FAM13A: variants seen among roughly 807,000 people sequenced by gnomAD.
FAM13A encodes family with sequence similarity 13 member A, also known as protein FAM13A.
A neutral mutation model predicts 129.6 loss-of-function variants in FAM13A; 76 were observed. That is an observed-to-expected ratio of 0.59 (90% CI 0.49 to 0.71). FAM13A has a LOEUF of 0.71. Among genes scored for constraint, FAM13A ranks in the 30% least tolerant of loss-of-function variants. The probability of loss-of-function intolerance (pLI) is 0.00; values close to 1 mark genes in which losing one functional copy is unlikely to be tolerated. For missense variants in FAM13A, 1,108 were observed against 1,249.3 expected (o/e 0.89, Z 1.70); for synonymous variants, 443 against 449.9 (o/e 0.98, Z 0.20).
intron 2 of FAM13A, among the ~76,000 whole-genome samples, chr4:89,021,228 A>C (rs936204632): frequency 6.6e-6 from 1 of 152,174 alleles, no homozygotes; most frequent in African/African-American, 2.4e-5. Flanking sequence ...GTGTCAGCTG[A>C]GGTTATCAGA....
intron 3 of FAM13A, among the ~76,000 whole-genome samples, chr4:89,000,409 G>A (rs914628709): frequency 3.3e-5 from 5 of 152,154 alleles, no homozygotes; most frequent in African/African-American, 1.2e-4. Flanking sequence ...CTAGATCAAA[G>A]AAGCCAGTCA....
rs752187482 is a variant in FAM13A at position 88,768,046 on chromosome 4, A to G, written c.1472T>C (p.Leu491Pro). 1.2e-6 allele frequency: 2 copies of G among 1,603,668 alleles called. No homozygotes were observed. The highest frequency in any genetic ancestry group is 1.7e-6 in the Non-Finnish European group (2 of 1,170,910). Residue 491 changes from leucine to proline, a missense_variant, in exon 12 of 24, where the codon CTC becomes CCC. By Grantham distance (98) the Leu-to-Pro change is moderately conservative. Around this residue, in one of 3 missense-constraint regions of FAM13A, gnomAD observed 566 missense variants for 595.7 expected, o/e 0.95. Coordinates refer to ENST00000264344, the MANE Select transcript of FAM13A (RefSeq NM_014883.4). The stretch of plus-strand genomic sequence containing the variant: ...TCTCTCATGAGATCGTGTGGAATTG[A>G]GACTTTCCATATTCTGTAACAGAAC... ...NQDGLVNMES[L>P]NSTRSHERTG...
At chr4:88,969,855 C>A (rs1759842139) in intron 4 of FAM13A, among the ~76,000 whole-genome samples, 1 of 152,226 alleles carries the variant, frequency 6.6e-6, no homozygotes, top group South Asian at 2.1e-4. Context: ...GGACTGGAAT[C>A]CAGTCAGTCT....
intron 6 of FAM13A, among the ~76,000 whole-genome samples, chr4:88,870,332 C>T (rs747815269): frequency 2.0e-5 from 3 of 152,172 alleles, no homozygotes; most frequent in Non-Finnish European, 4.4e-5. Context: ...GGCAGGGCAT[C>T]GCCTCACCCG....
intron 7 of FAM13A, among the ~76,000 whole-genome samples, chr4:88,838,719 TC>T (rs1026632349): frequency 1.6e-5 from 2 of 124,134 alleles, no homozygotes; most frequent in South Asian, 5.9e-4. Flanking sequence ...AGAGCAAGAC[TC>T]CGTCTCAAAA....
At chr4:88,905,449 G>A (rs991553648) in intron 6 of FAM13A, among the ~76,000 whole-genome samples, 5 of 151,964 alleles carry the variant, frequency 3.3e-5, no homozygotes, top group Non-Finnish European at 7.4e-5. Context: ...ACATGTGAAG[G>A]TTACATAGGT....
chr4:88,920,042 C>T (rs1034828755), intron 5 of FAM13A, among the ~76,000 whole-genome samples: 11 of 152,350 alleles, frequency 7.2e-5, no homozygotes, highest in South Asian at 4.1e-4. Flanking sequence ...ACAAAGCAGC[C>T]GGAAAGCTCG....
At chr4:89,001,349 G>A (rs909285596) in intron 3 of FAM13A, among the ~76,000 whole-genome samples, 1 of 152,078 alleles carries the variant, frequency 6.6e-6, no homozygotes, top group Admixed American at 6.5e-5. Context: ...GGGCAAATAC[G>A]TAGACATCAA....
chr4:88,943,638 C>T (rs1286036124), intron 4 of FAM13A, among the ~76,000 whole-genome samples: 4 of 152,182 alleles, frequency 2.6e-5, no homozygotes, highest in Non-Finnish European at 4.4e-5. Context: ...AGACGGTTCA[C>T]AGAAAAGATG....
chr4:88,960,895 G>A (rs1256818423), intron 4 of FAM13A, among the ~76,000 whole-genome samples: 1 of 152,086 alleles, frequency 6.6e-6, no homozygotes, highest in Non-Finnish European at 1.5e-5. Flanking sequence ...TCCAGTGAGA[G>A]GAAAATTCAT....
intron 3 of FAM13A, among the ~76,000 whole-genome samples, chr4:88,991,475 AACTT>A (rs1310959149): frequency 3.3e-5 from 5 of 152,078 alleles, no homozygotes; most frequent in African/African-American, 1.2e-4. Flanking sequence ...AAGAATTACT[AACTT>A]ATGCAAGAAA....
At chr4:88,914,817 A>C (rs1458554) in intron 5 of FAM13A, among the ~76,000 whole-genome samples, 197 of 152,358 alleles carry the variant, frequency 1.3e-3, no homozygotes, top group African/African-American at 4.5e-3. Flanking sequence ...TGAACGAATA[A>C]AACTGTCAAC....
intron 4 of FAM13A, among the ~76,000 whole-genome samples, chr4:88,967,131 A>G (rs755696470): frequency 6.6e-6 from 1 of 152,230 alleles, no homozygotes; most frequent in African/African-American, 2.4e-5. Flanking sequence ...AAGATAGTAC[A>G]TGTAATTTCT....
intron 3 of FAM13A, among the ~76,000 whole-genome samples, chr4:89,020,187 G>A (rs1168862490): frequency 6.6e-6 from 1 of 151,686 alleles, no homozygotes; most frequent in African/African-American, 2.4e-5. Flanking sequence ...ACAAGGTGGT[G>A]GTTATGGAAA....
intron 5 of FAM13A, among the ~76,000 whole-genome samples, chr4:88,923,488 G>C (rs1751500313): frequency 1.3e-5 from 2 of 152,134 alleles, no homozygotes; most frequent in African/African-American, 2.4e-5. Context: ...AAAGGCCTTT[G>C]ACAAAATTCA....
At chr4:88,831,211 T>G (rs1733835363) in intron 7 of FAM13A, among the ~76,000 whole-genome samples, 1 of 152,184 alleles carries the variant, frequency 6.6e-6, no homozygotes, top group Non-Finnish European at 1.5e-5. Flanking sequence ...TGGGCATGAC[T>G]TTCTCCAAAT....
intron 1 of FAM13A, among the ~76,000 whole-genome samples, chr4:89,030,325 CAA>C (rs1389682073): frequency 6.6e-6 from 1 of 151,932 alleles, no homozygotes; most frequent in Non-Finnish European, 1.5e-5. Context: ...TCAATTACCT[CAA>C]GTTAATAACA....
At chr4:88,954,885 CA>C (rs71598428) in intron 4 of FAM13A, among the ~76,000 whole-genome samples, 120 of 123,930 alleles carry the variant, frequency 9.7e-4, no homozygotes, top group East Asian at 1.5e-3. Flanking sequence ...GACTTCGTCT[CA>C]AAAAAAAAAA....
chr4:88,755,466 C>T (rs1560903250), intron 14 of FAM13A, among the ~76,000 whole-genome samples: 1 of 152,122 alleles, frequency 6.6e-6, no homozygotes, highest in South Asian at 2.1e-4. Flanking sequence ...AAAACCAGGG[C>T]AGGTTTACTA....
Sources: gnomAD v4.1 joint callset for allele counts (sites outside exome capture counted in the v4.1 genomes callset) on GRCh38, gnomAD v4.1.1 for gene constraint, gnomAD v4.1.1 regional missense constraint, MANE v1.5 for transcripts, NCBI Gene and HGNC (gene_info 2026-07-23, HGNC 2026-07-21) for gene names.